Variants in DMD observed in about 807,000 individuals in gnomAD.
DMD encodes the protein mutant dystrophin.
In DMD, 63 loss-of-function variants were observed where a neutral mutation model predicts 330.1. The ratio of observed to expected loss-of-function variants is 0.19; its 90% CI spans 0.16 to 0.24. DMD has a LOEUF of 0.24. DMD is among the 10% of genes least tolerant of loss of function. The pLI, the probability that DMD is intolerant of heterozygous loss-of-function variation, is 1.00. For missense variants in DMD, 3,344 were observed against 2,684.1 expected, an observed-to-expected ratio of 1.25 and a Z score of -5.43; for synonymous variants, 1,223 against 959.8, an observed-to-expected ratio of 1.27 and a Z score of -5.07.
chrX:32,039,799 C>T (rs897818560), intron 44 of DMD, among the ~76,000 whole-genome samples: 7 of 111,114 alleles, frequency 6.3e-5, no homozygotes, highest in African/African-American at 2.3e-4. Flanking sequence ...CTCTCTATTC[C>T]CTCACTCCAC....
intron 1 of DMD, among the ~76,000 whole-genome samples, chrX:33,075,219 G>A (rs773203234): frequency 7.2e-5 from 8 of 111,632 alleles, no homozygotes; most frequent in East Asian, 2.8e-4. Context: ...CTGTGGCCCC[G>A]CCCAGAAGAG....
chrX:31,736,009 T>G (rs1025522249), intron 51 of DMD, among the ~76,000 whole-genome samples: 1 of 111,454 alleles, frequency 9.0e-6, no homozygotes, highest in African/African-American at 3.3e-5. Context: ...TTAATTTTTT[T>G]TTAACCAAGG....
chrX:32,256,847 C>A (rs60395265), intron 43 of DMD, among the ~76,000 whole-genome samples: 1 of 111,645 alleles, frequency 9.0e-6, no homozygotes, highest in South Asian at 3.8e-4. Flanking sequence ...GGCACCCACT[C>A]TCTTCTAGCT....
At chrX:33,249,289 G>A (rs914383314) in intron 1 of DMD, among the ~76,000 whole-genome samples, 20 of 111,031 alleles carry the variant, frequency 1.8e-4, no homozygotes, top group African/African-American at 5.6e-4. Context: ...TAGCTGGGAT[G>A]ACAGGCATCT....
intron 1 of DMD, among the ~76,000 whole-genome samples, chrX:33,204,933 C>T (rs140045214): frequency 3.6e-5 from 4 of 112,379 alleles, no homozygotes; most frequent in Non-Finnish European, 7.5e-5. Flanking sequence ...GCAAAGTGAA[C>T]CTCTGTGATA....
chrX:32,699,042 C>G, intron 8 of DMD, 70 bp downstream of exon 8: 1 of 926,097 alleles, frequency 1.1e-6, no homozygotes, highest in East Asian at 3.1e-5. Flanking sequence ...TATATATGTG[C>G]ACGTAATACC....
At chrX:32,991,457 T>C (rs2092972677) in intron 2 of DMD, among the ~76,000 whole-genome samples, 1 of 112,002 alleles carries the variant, frequency 8.9e-6, no homozygotes, top group Non-Finnish European at 1.9e-5. Context: ...ATGCACTACA[T>C]AACACGATGG....
At chrX:32,816,443 T>G (rs1168587346) in intron 6 of DMD, 25 bp downstream of exon 6, 3 of 1,208,015 alleles carry the variant, frequency 2.5e-6, no homozygotes, top group Non-Finnish European at 2.2e-6. Flanking sequence ...TTACAAGTTA[T>G]TTAATGTCTC....
intron 11 of DMD, among the ~76,000 whole-genome samples, chrX:32,623,747 G>C (rs924586905): frequency 9.1e-6 from 1 of 110,281 alleles, no homozygotes; most frequent in Non-Finnish European, 1.9e-5. Context: ...GGCTAGTCTT[G>C]AACTCCTGGT....
At chrX:32,880,376 G>A (rs1464026275) in intron 2 of DMD, among the ~76,000 whole-genome samples, 1 of 110,270 alleles carries the variant, frequency 9.1e-6, no homozygotes, top group Admixed American at 9.7e-5. Flanking sequence ...TGGAAGAGAT[G>A]GACTTGAATG....
At chrX:32,778,243 CAA>C (rs35311570) in intron 7 of DMD, among the ~76,000 whole-genome samples, 82 of 67,584 alleles carry the variant, frequency 1.2e-3, no homozygotes, top group African/African-American at 3.4e-3. Context: ...CAGATCCTCG[CAA>C]AAAAAAAAAA....
chrX:31,976,699 G>T (rs373325512), intron 44 of DMD, among the ~76,000 whole-genome samples: 2 of 111,181 alleles, frequency 1.8e-5, no homozygotes, highest in Non-Finnish European at 3.8e-5. Flanking sequence ...TAAAAAAAAT[G>T]GTCAAAGGTG....
intron 55 of DMD, among the ~76,000 whole-genome samples, chrX:31,620,002 C>T (rs1018948982): frequency 1.8e-5 from 2 of 111,938 alleles, no homozygotes; most frequent in Non-Finnish European, 3.8e-5. Context: ...AACATTTGTC[C>T]CCATTGACTC....
At chrX:32,118,383 AC>A (rs1456646667) in intron 44 of DMD, among the ~76,000 whole-genome samples, 1 of 111,302 alleles carries the variant, frequency 9.0e-6, no homozygotes, top group Non-Finnish European at 1.9e-5. Context: ...ATAGCAGCCT[AC>A]AGAGTGAACA....
chrX:31,676,425 T>C (rs1325072404), intron 53 of DMD, among the ~76,000 whole-genome samples: 1 of 112,635 alleles, frequency 8.9e-6, no homozygotes, highest in Non-Finnish European at 1.9e-5. Flanking sequence ...TTGCAATTAT[T>C]GTTTTATTTT....
chrX:32,570,737 A>G (rs1436916191), intron 15 of DMD, among the ~76,000 whole-genome samples: 1 of 111,517 alleles, frequency 9.0e-6, no homozygotes, highest in Admixed American at 9.5e-5. Context: ...CAAACTGAGT[A>G]GATGGTCCTA....
chrX:32,419,926 A>G (rs746645732), intron 29 of DMD, among the ~76,000 whole-genome samples: 1 of 112,152 alleles, frequency 8.9e-6, no homozygotes, highest in South Asian at 3.7e-4. Flanking sequence ...TATATCTAAG[A>G]CATTTCTGGA....
intron 67 of DMD, among the ~76,000 whole-genome samples, chrX:31,192,903 T>C (rs1247448288): frequency 8.9e-6 from 1 of 112,061 alleles, no homozygotes; most frequent in Admixed American, 9.4e-5. Context: ...CTTAGGACAA[T>C]TTCCAGGTGA....
chrX:32,296,542 G>C (rs3788897), intron 42 of DMD, among the ~76,000 whole-genome samples: 31,193 of 110,365 alleles, frequency 0.28, 3,258 homozygotes, highest in Middle Eastern at 0.37. Context: ...TTCATACCTA[G>C]AAATAAGCTC....
Sources: allele counts gnomAD v4.1 joint callset (sites outside exome capture counted in the v4.1 genomes callset), GRCh38; gene constraint gnomAD v4.1.1; transcripts MANE v1.5; gene names NCBI Gene and HGNC (gene_info 2026-07-23, HGNC 2026-07-21).